ZBTB20: variants seen among roughly 807,000 people sequenced by gnomAD.
ZBTB20 encodes the protein zinc finger and BTB domain-containing protein 20.
In ZBTB20, 9 loss-of-function variants were observed where a neutral mutation model predicts 56.9. The observed-to-expected ratio is 0.16, with a 90% CI of 0.10 to 0.28. The LOEUF is 0.28. ZBTB20 is among the 10% of genes least tolerant of loss of function. The probability of loss-of-function intolerance (pLI) is 1.00; values close to 1 mark genes in which losing one functional copy is unlikely to be tolerated. For synonymous variants in ZBTB20, 417 were observed against 420.7 expected (o/e 0.99, Z 0.11); for missense variants, 655 against 1,003.0 (o/e 0.65, Z 4.69).
intron 3 of ZBTB20, among the ~76,000 whole-genome samples, chr3:114,932,920 T>A (rs951865293): frequency 6.6e-6 from 1 of 152,216 alleles, no homozygotes; most frequent in African/African-American, 2.4e-5. Context: ...ATGCTAGTTC[T>A]AAGCCAAGGC....
At chr3:114,760,549 T>C (rs566735781) in intron 5 of ZBTB20, among the ~76,000 whole-genome samples, 2 of 152,312 alleles carry the variant, frequency 1.3e-5, no homozygotes, top group East Asian at 3.9e-4. Context: ...CTAGAAAAGA[T>C]GGGATTTAAT....
chr3:114,734,379 C>A (rs776556799), intron 5 of ZBTB20, among the ~76,000 whole-genome samples: 1 of 151,990 alleles, frequency 6.6e-6, no homozygotes, highest in African/African-American at 2.4e-5. Flanking sequence ...GATTGGAATA[C>A]AAGCTGTTGA....
At chr3:114,610,244 C>T (rs1276446777) in intron 6 of ZBTB20, among the ~76,000 whole-genome samples, 4 of 152,206 alleles carry the variant, frequency 2.6e-5, no homozygotes, top group Non-Finnish European at 5.9e-5. Flanking sequence ...AGTTCCCTCA[C>T]ACAGACTTAC....
chr3:115,136,640 A>T (rs1219377083), intron 1 of ZBTB20, among the ~76,000 whole-genome samples: 2 of 152,130 alleles, frequency 1.3e-5, no homozygotes, highest in Non-Finnish European at 2.9e-5. Context: ...ACAGAAACAG[A>T]GTAATGCATA....
chr3:114,537,415 G>C (rs923110066), intron 6 of ZBTB20, among the ~76,000 whole-genome samples: 1 of 152,142 alleles, frequency 6.6e-6, no homozygotes, highest in Non-Finnish European at 1.5e-5. Flanking sequence ...TTAGAGAAAT[G>C]CAAATCAAAA....
At chr3:114,461,316 T>A (rs2092322377) in intron 7 of ZBTB20, among the ~76,000 whole-genome samples, 1 of 146,694 alleles carries the variant, frequency 6.8e-6, no homozygotes. Flanking sequence ...CTCTTTTTTT[T>A]TGAGACAGGG....
intron 3 of ZBTB20, among the ~76,000 whole-genome samples, chr3:114,919,376 C>A (rs1159379374): frequency 6.6e-6 from 1 of 151,806 alleles, no homozygotes; most frequent in African/African-American, 2.4e-5. Flanking sequence ...GAATAAAATA[C>A]AAAAGAAGAC....
chr3:114,568,144 C>T (rs138609159), intron 6 of ZBTB20, among the ~76,000 whole-genome samples: 7 of 152,352 alleles, frequency 4.6e-5, no homozygotes, highest in Non-Finnish European at 8.8e-5. Context: ...CTCAATAGAA[C>T]AGGCTGAGGA....
intron 4 of ZBTB20, among the ~76,000 whole-genome samples, chr3:114,826,452 TAATC>T (rs1422666684): frequency 6.6e-6 from 1 of 151,788 alleles, no homozygotes; most frequent in Non-Finnish European, 1.5e-5. Flanking sequence ...GTATAACAAT[TAATC>T]AATGCCAACA....
chr3:114,712,968 G>T (rs2064197064), intron 5 of ZBTB20, among the ~76,000 whole-genome samples: 1 of 152,080 alleles, frequency 6.6e-6, no homozygotes, highest in Admixed American at 6.5e-5. Flanking sequence ...TGCTAAGCTG[G>T]TTATCAGCTA....
At chr3:114,918,287 C>T (rs1263579700) in intron 3 of ZBTB20, among the ~76,000 whole-genome samples, 3 of 151,992 alleles carry the variant, frequency 2.0e-5, no homozygotes, top group Non-Finnish European at 4.4e-5. Flanking sequence ...AGGGAAACTC[C>T]CCAAATGCCA....
In ZBTB20 at chr3:114,890,586, C is replaced by T. The variant is rs1296293604; in HGVS notation, c.-417+9718G>A. ...TGGACACAGGGTGGGGAACATCACA[C>T]ACCGGGCCTGTCCTGGGGTGGGGAG... On this transcript the variant is annotated intron_variant, in intron 4 of 11. Transcript: ENST00000675478. Among the ~76,000 whole-genome samples, 3 of 152,020 alleles carry T rather than the reference C, an allele frequency of 2.0e-5. No homozygotes were observed. The East Asian group carries it at 5.8e-4, about 29-fold the overall frequency.
chr3:114,520,404 G>A (rs1005146207), intron 6 of ZBTB20, among the ~76,000 whole-genome samples: 1 of 152,104 alleles, frequency 6.6e-6, no homozygotes, highest in East Asian at 1.9e-4. Context: ...AATTTTGTTC[G>A]GCATGAGATT....
At chr3:114,880,167 T>G (rs919846008) in intron 4 of ZBTB20, among the ~76,000 whole-genome samples, 1 of 152,222 alleles carries the variant, frequency 6.6e-6, no homozygotes, top group Non-Finnish European at 1.5e-5. Flanking sequence ...TCTCGATCAC[T>G]GAATACATGG....
chr3:115,097,775 C>T (rs757979876), intron 1 of ZBTB20, among the ~76,000 whole-genome samples: 1 of 152,148 alleles, frequency 6.6e-6, no homozygotes, highest in African/African-American at 2.4e-5. Flanking sequence ...CATTCTATAG[C>T]GCTCCTGTAA....
intron 4 of ZBTB20, among the ~76,000 whole-genome samples, chr3:114,877,538 G>T (rs1238174103): frequency 1.3e-5 from 2 of 152,158 alleles, no homozygotes; most frequent in Non-Finnish European, 2.9e-5. Context: ...ATGCTGCTGT[G>T]GAGATTATTC....
chr3:114,631,382 CTTTTTTTTTTTTT>C lies in ZBTB20; in HGVS notation c.-295+62133_-295+62145del, dbSNP rs66470152. Among the ~76,000 whole-genome samples the C allele has an allele frequency of 2.0e-4, 10 of 49,830 alleles. No homozygotes were observed. In the East Asian group the frequency reaches 3.1e-3, roughly 15 times the overall value. 32.7% of individuals were successfully genotyped at this position (49,830 alleles called of 152,430 possible). On this transcript the variant is annotated intron_variant, in intron 6 of 11. Transcript: ENST00000675478. ...TGGGGTGGCTCTTAAATAGGTTATT[CTTTTTTTTTTTTT>C]TTTTTTTTTTTTTTTGAGATGGCGT...
chr3:114,531,210 G>A (rs2047805852), intron 6 of ZBTB20, among the ~76,000 whole-genome samples: 1 of 152,106 alleles, frequency 6.6e-6, no homozygotes, highest in Non-Finnish European at 1.5e-5. Flanking sequence ...TCTTCCTCCT[G>A]TGTTCCAGCT....
intron 6 of ZBTB20, among the ~76,000 whole-genome samples, chr3:114,526,720 C>T (rs2047258343): frequency 6.6e-6 from 1 of 152,104 alleles, no homozygotes; most frequent in Admixed American, 6.5e-5. Flanking sequence ...GTAAATTGTT[C>T]CTTTGCCAAC....
Sources: gnomAD v4.1 joint callset for allele counts (sites outside exome capture counted in the v4.1 genomes callset) on GRCh38, gnomAD v4.1.1 for gene constraint, MANE v1.5 for transcripts, NCBI Gene and HGNC (gene_info 2026-07-23, HGNC 2026-07-21) for gene names.